TMEM273: variants seen among roughly 807,000 people sequenced by gnomAD.
The protein encoded by TMEM273 is transmembrane protein 273.
A neutral mutation model predicts 17.9 loss-of-function variants in TMEM273; 19 were observed. The observed-to-expected ratio is 1.06, with a 90% CI of 0.74 to 1.55. The LOEUF is 1.55. TMEM273 is among the 40% of genes most tolerant of loss of function. The probability of loss-of-function intolerance (pLI) is 0.00; values close to 1 mark genes in which losing one functional copy is unlikely to be tolerated. For synonymous variants in TMEM273, 66 were observed against 62.0 expected, an observed-to-expected ratio of 1.07 and a Z score of -0.31; for missense variants, 194 against 155.6, an observed-to-expected ratio of 1.25 and a Z score of -1.31.
chr10:49,182,149 C>T (rs7922957), intron 1 of TMEM273, among the ~76,000 whole-genome samples: 15,780 of 152,210 alleles, frequency 0.1, 1,257 homozygotes, highest in East Asian at 0.3. Flanking sequence ...TTTTTTGTTA[C>T]GTTTGTAGAG....
chr10:49,156,325 C>G (rs1417358818), intron 6 of TMEM273: 6 of 1,271,670 alleles, frequency 4.7e-6, no homozygotes, highest in African/African-American at 1.5e-5. Flanking sequence ...CACATCTGAA[C>G]TACGAGCTGT....
At chr10:49,160,541 C>G (rs1298840223) in intron 6 of TMEM273, 1 of 151,922 alleles carries the variant, frequency 6.6e-6, no homozygotes, top group Non-Finnish European at 1.5e-5. Flanking sequence ...AATATTTTTT[C>G]TGGATTGGAA....
chr10:49,180,022 C>T (rs536535962), intron 1 of TMEM273, among the ~76,000 whole-genome samples: 1 of 152,328 alleles, frequency 6.6e-6, no homozygotes, highest in South Asian at 2.1e-4. Context: ...GTCAGAGGGT[C>T]ACATGGGGAA....
At chr10:49,166,033 G>C (rs545765624) in intron 3 of TMEM273, among the ~76,000 whole-genome samples, 1 of 152,120 alleles carries the variant, frequency 6.6e-6, no homozygotes, top group Non-Finnish European at 1.5e-5. Flanking sequence ...CCCCTCGGGC[G>C]ATGCACACGC....
chr10:49,169,205 T>G (rs74743709), intron 1 of TMEM273, among the ~76,000 whole-genome samples: 3,602 of 152,262 alleles, frequency 0.024, 76 homozygotes, highest in Non-Finnish European at 0.034. Flanking sequence ...AGTCTGAGTC[T>G]CACATTCAAA....
chr10:49,162,337 T>C (rs1005724089), intron 5 of TMEM273, among the ~76,000 whole-genome samples: 1 of 152,074 alleles, frequency 6.6e-6, no homozygotes, highest in Non-Finnish European at 1.5e-5. Context: ...CACACACATA[T>C]AGACAGGCAA....
chr10:49,182,101 G>A (rs1224840252), intron 1 of TMEM273, among the ~76,000 whole-genome samples: 1 of 152,196 alleles, frequency 6.6e-6, no homozygotes, highest in African/African-American at 2.4e-5. Context: ...CCTCTTCCTT[G>A]ACCTTCTGCT....
chr10:49,157,509 G>A (rs1845584548), intron 6 of TMEM273, among the ~76,000 whole-genome samples: 3 of 152,124 alleles, frequency 2.0e-5, no homozygotes, highest in South Asian at 4.1e-4. Flanking sequence ...GAAAGAAGAA[G>A]AACAAAAAGA....
At chr10:49,181,849 T>G (rs1847362180) in intron 1 of TMEM273, among the ~76,000 whole-genome samples, 1 of 152,156 alleles carries the variant, frequency 6.6e-6, no homozygotes, top group Non-Finnish European at 1.5e-5. Context: ...GTTAGGCAAT[T>G]AAAATTAAAC....
chr10:49,169,383 T>A (rs1846406629), intron 1 of TMEM273, among the ~76,000 whole-genome samples: 1 of 152,128 alleles, frequency 6.6e-6, no homozygotes, highest in Non-Finnish European at 1.5e-5. Flanking sequence ...CAGAGTGGCG[T>A]GGTAGGTTGG....
chr10:49,160,493 T>C (rs528396667), intron 6 of TMEM273: 1 of 152,220 alleles, frequency 6.6e-6, no homozygotes, highest in Non-Finnish European at 1.5e-5. Flanking sequence ...GGCTGTTCAA[T>C]ACTGAAAGAG....
chr10:49,161,276 T>C, intron 6 of TMEM273: 1 of 357,614 alleles, frequency 2.8e-6, no homozygotes, highest in Non-Finnish European at 5.1e-6. Context: ...CTAAATTGGC[T>C]AATTATTAGA....
intron 1 of TMEM273, among the ~76,000 whole-genome samples, chr10:49,175,814 CG>C (rs998801355): frequency 1.3e-5 from 2 of 152,176 alleles, no homozygotes; most frequent in African/African-American, 2.4e-5. Context: ...TTGAGGAAGA[CG>C]GGGGTTCTGG....
rs562427752 is a variant in TMEM273 at position 49,156,109 on chromosome 10, G to A, written c.373-200C>T. 3.8e-5 allele frequency: 58 copies of A among 1,541,190 alleles called. No individual in the cohort carries two copies. The East Asian group carries it at 1.4e-3, about 37-fold the overall frequency. On this transcript the variant is annotated intron_variant, in intron 6 of 6. Coordinates refer to ENST00000374153, the MANE Select transcript of TMEM273 (RefSeq NM_001288740.3). ...TGGGTAAAGGGGAGAGCTCAACCTG[G>A]AAGTTGTTTTCTGCCTGCCAAACCC...
intron 6 of TMEM273, among the ~76,000 whole-genome samples, chr10:49,159,759 G>A (rs543735036): frequency 6.7e-6 from 1 of 149,924 alleles, no homozygotes; most frequent in East Asian, 1.9e-4. Flanking sequence ...GAGAAACAGG[G>A]ACCCTTGGGA....
intron 6 of TMEM273, chr10:49,161,371 C>T: frequency 1.7e-6 from 1 of 598,782 alleles, no homozygotes; most frequent in East Asian, 2.8e-5. Context: ...TCTAACTGGG[C>T]AAATGCCCCA....
intron 1 of TMEM273, among the ~76,000 whole-genome samples, chr10:49,179,339 G>T (rs1345292345): frequency 1.3e-5 from 2 of 152,208 alleles, no homozygotes; most frequent in Non-Finnish European, 2.9e-5. Flanking sequence ...CCTCATCAGG[G>T]ATTGAGGATC....
chr10:49,157,108 T>C (rs1447924913), intron 6 of TMEM273, among the ~76,000 whole-genome samples: 1 of 152,128 alleles, frequency 6.6e-6, no homozygotes, highest in Non-Finnish European at 1.5e-5. Context: ...GAAGCTGGAG[T>C]TAGCCAGGTT....
chr10:49,162,253 G>T (rs1043123090), intron 5 of TMEM273, among the ~76,000 whole-genome samples: 2 of 152,204 alleles, frequency 1.3e-5, no homozygotes. Context: ...ATCCCACACA[G>T]ATGTATGTGT....
Sources: allele counts gnomAD v4.1 joint callset (sites outside exome capture counted in the v4.1 genomes callset), GRCh38; gene constraint gnomAD v4.1.1; transcripts MANE v1.5; gene names NCBI Gene and HGNC (gene_info 2026-07-23, HGNC 2026-07-21).